Variants in DPP10 observed in about 807,000 individuals in gnomAD.
DPP10 encodes the protein dipeptidyl peptidase like 10.
A neutral mutation model predicts 120.9 loss-of-function variants in DPP10; 33 were observed. The observed-to-expected ratio is 0.27, with a 90% CI of 0.21 to 0.37. The LOEUF (loss-of-function observed/expected upper bound fraction) is 0.37, where lower values mean the gene tolerates loss of function less well. Ranked by LOEUF, DPP10 falls within the 10% of genes least tolerant of loss-of-function variation. The pLI is 1.00. For synonymous variants in DPP10, 337 were observed against 326.1 expected (o/e 1.03, Z -0.36); for missense variants, 816 against 942.8 (o/e 0.87, Z 1.76).
At chr2:115,572,748 C>A (rs544528757) in intron 5 of DPP10, among the ~76,000 whole-genome samples, 1 of 152,172 alleles carries the variant, frequency 6.6e-6, no homozygotes, top group African/African-American at 2.4e-5. Flanking sequence ...ATTTGACAAG[C>A]ATCTCTAAAG....
At chr2:114,945,294 C>G (rs1361871108) in intron 1 of DPP10, among the ~76,000 whole-genome samples, 2 of 152,130 alleles carry the variant, frequency 1.3e-5, no homozygotes, top group Non-Finnish European at 2.9e-5. Flanking sequence ...AAGAGAACGA[C>G]TAGACAAGCT....
chr2:114,710,639 G>A (rs1409889946), intron 1 of DPP10, among the ~76,000 whole-genome samples: 1 of 152,170 alleles, frequency 6.6e-6, no homozygotes, highest in Non-Finnish European at 1.5e-5. Flanking sequence ...CAGCTACTTG[G>A]GAGGCTGAGA....
At chr2:115,510,061 T>G (rs2077145235) in intron 4 of DPP10, among the ~76,000 whole-genome samples, 1 of 152,186 alleles carries the variant, frequency 6.6e-6, no homozygotes. Context: ...TCTTTTCAAT[T>G]GCTGAATTGT....
intron 1 of DPP10, among the ~76,000 whole-genome samples, chr2:114,790,150 G>T (rs1342535033): frequency 6.6e-6 from 1 of 152,194 alleles, no homozygotes; most frequent in Non-Finnish European, 1.5e-5. Flanking sequence ...AGAAAAAGTT[G>T]TCACTTTAAA....
chr2:114,957,406 C>G (rs746173341), intron 1 of DPP10, among the ~76,000 whole-genome samples: 12 of 152,056 alleles, frequency 7.9e-5, no homozygotes, highest in Non-Finnish European at 1.6e-4. Flanking sequence ...TGAGATATCA[C>G]CTCACATCTG....
intron 1 of DPP10, among the ~76,000 whole-genome samples, chr2:114,845,120 T>A (rs1338866818): frequency 1.3e-5 from 2 of 152,180 alleles, no homozygotes; most frequent in Non-Finnish European, 1.5e-5. Context: ...GTGATAGGCA[T>A]CACCACATAT....
chr2:114,815,118 G>T (rs999787344), intron 1 of DPP10, among the ~76,000 whole-genome samples: 1 of 152,208 alleles, frequency 6.6e-6, no homozygotes, highest in African/African-American at 2.4e-5. Context: ...CACCTGGGAT[G>T]GTGTTGGCAG....
chr2:115,136,115 C>G (rs988445985), intron 1 of DPP10, among the ~76,000 whole-genome samples: 1 of 151,884 alleles, frequency 6.6e-6, no homozygotes, highest in East Asian at 1.9e-4. Context: ...GAGGAGTATG[C>G]CATGGATAGA....
At chr2:114,770,138 A>T (rs1314506430) in intron 1 of DPP10, among the ~76,000 whole-genome samples, 1 of 152,136 alleles carries the variant, frequency 6.6e-6, no homozygotes, top group Non-Finnish European at 1.5e-5. Flanking sequence ...ATAGAGTACC[A>T]AAATACCCAT....
chr2:115,500,194 T>C (rs1373659278), intron 4 of DPP10, among the ~76,000 whole-genome samples: 2 of 151,970 alleles, frequency 1.3e-5, no homozygotes, highest in African/African-American at 4.8e-5. Context: ...TACCCTAAGG[T>C]TAGGAGACTT....
At chr2:115,679,396 C>A (rs569194645) in intron 5 of DPP10, among the ~76,000 whole-genome samples, 10 of 152,240 alleles carry the variant, frequency 6.6e-5, no homozygotes, top group African/African-American at 2.4e-4. Flanking sequence ...TGGTTTCACC[C>A]CCTTTGCTCA....
intron 3 of DPP10, among the ~76,000 whole-genome samples, chr2:115,370,177 C>T (rs2065317215): frequency 6.6e-6 from 1 of 152,078 alleles, no homozygotes; most frequent in Non-Finnish European, 1.5e-5. Flanking sequence ...CAAAGACAGC[C>T]TTGTGGTCGC....
chr2:115,612,234 T>C (rs1379821829), intron 5 of DPP10, among the ~76,000 whole-genome samples: 1 of 152,136 alleles, frequency 6.6e-6, no homozygotes, highest in East Asian at 1.9e-4. Flanking sequence ...TGAGGAAGCA[T>C]GAAATTTTCC....
intron 1 of DPP10, among the ~76,000 whole-genome samples, chr2:115,090,818 C>T (rs1392848253): frequency 6.6e-6 from 1 of 151,896 alleles, no homozygotes; most frequent in African/African-American, 2.4e-5. Flanking sequence ...GGCAGGTTAT[C>T]TGGGGTCTGA....
intron 1 of DPP10, among the ~76,000 whole-genome samples, chr2:114,915,516 C>T (rs1218742404): frequency 3.3e-5 from 5 of 152,178 alleles, no homozygotes; most frequent in African/African-American, 4.8e-5. Context: ...ATCTACAGAA[C>T]AATCCATCCA....
chr2:115,324,126 A>G (rs1313912194), intron 2 of DPP10, among the ~76,000 whole-genome samples: 2 of 152,130 alleles, frequency 1.3e-5, no homozygotes, highest in Non-Finnish European at 2.9e-5. Context: ...AAATACAAAA[A>G]TTAGGCAGGC....
intron 1 of DPP10, among the ~76,000 whole-genome samples, chr2:115,134,288 TATGTTAC>T (rs1456306174): frequency 1.3e-5 from 2 of 152,338 alleles, no homozygotes; most frequent in Admixed American, 6.5e-5. Context: ...GTTTCATCTA[TATGTTAC>T]ATGTCAGTAG....
intron 1 of DPP10, among the ~76,000 whole-genome samples, chr2:114,665,443 T>C (rs958013137): frequency 6.6e-6 from 1 of 152,134 alleles, no homozygotes; most frequent in African/African-American, 2.4e-5. Context: ...CTATGACTGC[T>C]ACAAGAGAAA....
At chr2:114,643,450 G>C (rs1183683853) in intron 1 of DPP10, among the ~76,000 whole-genome samples, 1 of 151,872 alleles carries the variant, frequency 6.6e-6, no homozygotes, top group Non-Finnish European at 1.5e-5. Context: ...ACTCTCTGGA[G>C]CATGCAGGAT....
Sources: allele counts gnomAD v4.1 joint callset (sites outside exome capture counted in the v4.1 genomes callset), GRCh38; gene constraint gnomAD v4.1.1; transcripts MANE v1.5; gene names NCBI Gene and HGNC (gene_info 2026-07-23, HGNC 2026-07-21).